SLC4A10: variants seen among roughly 807,000 people sequenced by gnomAD.
The protein encoded by SLC4A10 is sodium-driven chloride bicarbonate exchanger.
SLC4A10 carries 42 observed loss-of-function variants against 137.7 expected under a neutral mutation model. The observed-to-expected ratio is 0.30, with a 90% CI of 0.24 to 0.39. The LOEUF is 0.39. Among genes scored for constraint, SLC4A10 ranks in the 10% least tolerant of loss-of-function variants. SLC4A10 has a pLI of 1.00. For synonymous variants in SLC4A10, 474 were observed against 464.1 expected, an observed-to-expected ratio of 1.02 and a Z score of -0.27; for missense variants, 925 against 1,355.0, an observed-to-expected ratio of 0.68 and a Z score of 4.98.
rs1007194392 is a variant in SLC4A10 at position 161,947,469 on chromosome 2, G to A, written c.2104-97G>A. The A allele has an allele frequency of 1.7e-5, 21 of 1,240,490 alleles. No homozygotes were observed. In the African/African-American group the frequency reaches 3.2e-4, roughly 19 times the overall value. 76.8% of individuals were successfully genotyped at this position (1,240,490 alleles called of 1,614,324 possible). On this transcript the variant is annotated intron_variant, in intron 16 of 26. Coordinates refer to ENST00000446997, the MANE Select transcript of SLC4A10 (RefSeq NM_001178015.2). ...TGAGAGCCATAAAGGAAAAGCCTCA[G>A]CATCTGAACTACAATTGATCAGAAG...
chr2:161,815,659 G>C (rs996749058), intron 3 of SLC4A10, among the ~76,000 whole-genome samples: 1 of 152,100 alleles, frequency 6.6e-6, no homozygotes, highest in Non-Finnish European at 1.5e-5. Flanking sequence ...AATTATTGAT[G>C]CTAGGCTTCA....
chr2:161,930,213 G>A (rs1442277927), intron 15 of SLC4A10, among the ~76,000 whole-genome samples: 1 of 152,182 alleles, frequency 6.6e-6, no homozygotes, highest in Non-Finnish European at 1.5e-5. Flanking sequence ...CATTTGTAAA[G>A]AGTGCAGACC....
At chr2:161,731,318 A>G (rs72877309) in intron 1 of SLC4A10, among the ~76,000 whole-genome samples, 12,388 of 151,974 alleles carry the variant, frequency 0.082, 646 homozygotes, top group East Asian at 0.14. Flanking sequence ...TTTAGGGGGG[A>G]AAACTTTTGC....
At chr2:161,888,936 C>T (rs1284606199) in intron 10 of SLC4A10, among the ~76,000 whole-genome samples, 1 of 152,030 alleles carries the variant, frequency 6.6e-6, no homozygotes, top group African/African-American at 2.4e-5. Context: ...ATAAATAGCT[C>T]TTATTATTTT....
chr2:161,935,557 A>C (rs1691432318), intron 15 of SLC4A10, among the ~76,000 whole-genome samples: 2 of 152,060 alleles, frequency 1.3e-5, no homozygotes, highest in Admixed American at 1.3e-4. Flanking sequence ...TATTTCATCA[A>C]TGTTTTATAG....
At chr2:161,713,418 C>G (rs2044505255) in intron 1 of SLC4A10, among the ~76,000 whole-genome samples, 1 of 151,672 alleles carries the variant, frequency 6.6e-6, no homozygotes, top group Non-Finnish European at 1.5e-5. Context: ...GGGGTAGAAA[C>G]AAACTGAAGG....
chr2:161,668,998 A>T (rs1163320619), intron 1 of SLC4A10, among the ~76,000 whole-genome samples: 1 of 151,894 alleles, frequency 6.6e-6, no homozygotes, highest in East Asian at 1.9e-4. Flanking sequence ...TTTGTGTAGA[A>T]GGTCTTTTCC....
At chr2:161,791,295 A>G (rs2054181488) in intron 2 of SLC4A10, among the ~76,000 whole-genome samples, 1 of 152,194 alleles carries the variant, frequency 6.6e-6, no homozygotes, top group South Asian at 2.1e-4. Context: ...CATAAAAAGG[A>G]ACAAGATCAT....
At position 161,918,910 on chromosome 2, in the gene SLC4A10, G is replaced by A. The variant is rs576218835; in HGVS notation, c.1997+13023G>A. 1.7e-4 allele frequency among the ~76,000 whole-genome samples: 26 copies of A among 152,284 alleles called. No individual in the cohort carries two copies. In the East Asian group the frequency reaches 3.9e-3, roughly 23 times the overall value. ...TGAGTTGGTGGGGTGGGAGCCCTGC[G>A]CTCCCTGGTGCAACTGCAGCTGCCC... On this transcript the variant is annotated intron_variant, in intron 15 of 26. Coordinates refer to ENST00000446997, the MANE Select transcript of SLC4A10 (RefSeq NM_001178015.2).
intron 3 of SLC4A10, among the ~76,000 whole-genome samples, chr2:161,814,446 G>T (rs2056859057): frequency 6.6e-6 from 1 of 151,988 alleles, no homozygotes; most frequent in Non-Finnish European, 1.5e-5. Flanking sequence ...AAAGGCAAAT[G>T]AATCATTCTA....
At position 161,708,573 on chromosome 2, in the gene SLC4A10, A is replaced by C. The variant is rs2043938736; in HGVS notation, c.49-62400A>C. ...AAATACAACTGTGTCAGTCTCTCTT[A>C]GTATGGGGTGTTTGTAACTGCACAG... On this transcript the variant is annotated intron_variant, in intron 1 of 26. Coordinates refer to ENST00000446997, the MANE Select transcript of SLC4A10 (RefSeq NM_001178015.2). The C allele has an allele frequency of 1.6e-5, 16 of 1,013,720 alleles. No homozygotes were observed. In the South Asian group the frequency reaches 3.0e-4, roughly 19 times the overall value. The allele number at this position is 1,013,720 out of a possible 1,614,324, so 62.8% of individuals were successfully genotyped here. A position where few individuals can be genotyped will look rare whatever the true frequency, so the allele number is the denominator to read the frequency against.
chr2:161,748,894 A>G (rs564250205), intron 1 of SLC4A10, among the ~76,000 whole-genome samples: 1 of 152,182 alleles, frequency 6.6e-6, no homozygotes, highest in East Asian at 1.9e-4. Context: ...AAGAATATTA[A>G]TGTTTCCAAT....
Position 161,957,121 on chromosome 2 carries a change from T to C in SLC4A10, c.2674T>C (p.Ser892Pro). ...ITHVNSLKLE[S>P]ECSAPGEQPK... ...TCATGTCAATAGCCTAAAACTGGAA[T>C]CAGAATGCTCAGCTCCAGGAGAACA... The change falls in exon 20 of 27, where the codon TCA becomes CCA. Residue 892 changes from serine (S) to proline (P), a missense_variant. Ser to Pro is a moderately conservative substitution (Grantham distance 74, BLOSUM62 -1). Transcript: ENST00000446997. The C allele has an allele frequency of 6.2e-7, 1 of 1,613,760 alleles. No homozygotes were observed. Among genetic ancestry groups the C allele is most frequent in the South Asian group, 1.1e-5 (1 of 91,034 alleles).
chr2:161,939,203 A>G (rs1193758985), intron 15 of SLC4A10, among the ~76,000 whole-genome samples: 1 of 152,068 alleles, frequency 6.6e-6, no homozygotes, highest in Non-Finnish European at 1.5e-5. Flanking sequence ...CAGCCTCCTC[A>G]GTACCTGGGA....
intron 15 of SLC4A10, 42 bp from the exon 16 acceptor site, chr2:161,942,750 A>G: frequency 6.7e-7 from 1 of 1,488,802 alleles, no homozygotes; most frequent in Non-Finnish European, 9.2e-7. Flanking sequence ...ACAGTCACAA[A>G]AAGCTACTTA....
chr2:161,788,229 T>G (rs2053838176), intron 2 of SLC4A10, among the ~76,000 whole-genome samples: 1 of 152,040 alleles, frequency 6.6e-6, no homozygotes, highest in Non-Finnish European at 1.5e-5. Flanking sequence ...TGCTGCTTGT[T>G]GTAGACATGT....
chr2:161,705,949 C>T (rs540483556), intron 1 of SLC4A10, among the ~76,000 whole-genome samples: 117 of 151,608 alleles, frequency 7.7e-4, no homozygotes, highest in African/African-American at 2.7e-3. Flanking sequence ...ATGACCATAT[C>T]TTAATAACAC....
intron 3 of SLC4A10, among the ~76,000 whole-genome samples, chr2:161,816,721 C>T (rs948398131): frequency 5.4e-5 from 8 of 148,750 alleles, no homozygotes; most frequent in Non-Finnish European, 8.9e-5. Flanking sequence ...TGAGTGACAA[C>T]ATGCGGTGTT....
chr2:161,670,769 A>T (rs966336020), intron 1 of SLC4A10, among the ~76,000 whole-genome samples: 1 of 152,030 alleles, frequency 6.6e-6, no homozygotes, highest in Admixed American at 6.6e-5. Context: ...TTTTTCTCAC[A>T]TAATTCTTTC....
Sources: gnomAD v4.1 joint callset for allele counts (sites outside exome capture counted in the v4.1 genomes callset) on GRCh38, gnomAD v4.1.1 for gene constraint, MANE v1.5 for transcripts, NCBI Gene and HGNC (gene_info 2026-07-23, HGNC 2026-07-21) for gene names.